Variants in TBL1XR1 observed in about 807,000 individuals in gnomAD.
TBL1XR1 encodes F-box-like/WD repeat-containing protein TBL1XR1.
A neutral mutation model predicts 66.9 loss-of-function variants in TBL1XR1; 5 were observed. That is an observed-to-expected ratio of 0.07 (90% confidence interval 0.04 to 0.16). The LOEUF (loss-of-function observed/expected upper bound fraction) is 0.16. Among genes scored for constraint, TBL1XR1 ranks in the 10% least tolerant of loss-of-function variants. The pLI, the probability that TBL1XR1 is intolerant of heterozygous loss-of-function variation, is 1.00. For synonymous variants in TBL1XR1, 210 were observed against 206.0 expected (o/e 1.02, Z -0.17); for missense variants, 238 against 623.2 (o/e 0.38, Z 6.58).
chr3:177,106,890 G>A (rs1281190848), intron 1 of TBL1XR1, among the ~76,000 whole-genome samples: 1 of 149,962 alleles, frequency 6.7e-6, no homozygotes, highest in Non-Finnish European at 1.5e-5. Flanking sequence ...ATGTCTTTTA[G>A]TGAATTAACA....
chr3:177,033,423 A>T (rs951011317), intron 13 of TBL1XR1, among the ~76,000 whole-genome samples: 24 of 152,310 alleles, frequency 1.6e-4, no homozygotes, highest in Admixed American at 8.5e-4. Context: ...AGAAAACGTA[A>T]ATGTGCTCAT....
At chr3:177,196,920 G>T (rs964642081) in intron 1 of TBL1XR1, among the ~76,000 whole-genome samples, 21 of 151,830 alleles carry the variant, frequency 1.4e-4, no homozygotes, top group Non-Finnish European at 2.8e-4. Context: ...GAGGAAAACG[G>T]GGGGATGGGG....
At chr3:177,075,307 TTGTC>T (rs887623948) in intron 2 of TBL1XR1, among the ~76,000 whole-genome samples, 4 of 152,252 alleles carry the variant, frequency 2.6e-5, no homozygotes, top group Non-Finnish European at 5.9e-5. Context: ...TCTTTGTGTG[TTGTC>T]TGTGTCCAAA....
chr3:177,083,579 CTA>C (rs1721717060), intron 2 of TBL1XR1, among the ~76,000 whole-genome samples: 1 of 152,122 alleles, frequency 6.6e-6, no homozygotes, highest in South Asian at 2.1e-4. Context: ...TCACTGGTCT[CTA>C]TTTTATCTTA....
chr3:177,037,013 C>G (rs879296884), intron 12 of TBL1XR1, among the ~76,000 whole-genome samples: 6 of 152,160 alleles, frequency 3.9e-5, no homozygotes, highest in Admixed American at 3.9e-4. Flanking sequence ...TGCTTAGGTG[C>G]GAGACAGCAG....
At chr3:177,198,292 A>AC (rs1202535707), upstream of TBL1XR1, among the ~76,000 whole-genome samples, 1 of 152,194 alleles carries the variant, frequency 6.6e-6, no homozygotes, top group Non-Finnish European at 1.5e-5. Flanking sequence ...ATGTACTGTG[A>AC]ATCAAGCATA....
intron 1 of TBL1XR1, among the ~76,000 whole-genome samples, chr3:177,177,890 T>A (rs1734345952): frequency 6.6e-6 from 1 of 151,106 alleles, no homozygotes; most frequent in South Asian, 2.1e-4. Context: ...AAAAAAACAA[T>A]GATCAAAGTT....
chr3:177,131,838 G>A (rs1271588129), intron 1 of TBL1XR1, among the ~76,000 whole-genome samples: 3 of 149,432 alleles, frequency 2.0e-5, no homozygotes, highest in East Asian at 2.0e-4. Flanking sequence ...ACACATTAAC[G>A]AATTCATCAC....
intron 1 of TBL1XR1, among the ~76,000 whole-genome samples, chr3:177,123,425 T>C (rs1727225491): frequency 6.6e-6 from 1 of 152,046 alleles, no homozygotes; most frequent in Non-Finnish European, 1.5e-5. Context: ...ATTCAGACTA[T>C]GCTCAAATCT....
chr3:177,061,325 G>A (rs1718489814), intron 3 of TBL1XR1, among the ~76,000 whole-genome samples: 2 of 152,136 alleles, frequency 1.3e-5, no homozygotes, highest in Non-Finnish European at 2.9e-5. Flanking sequence ...ATTGACAACA[G>A]TAAAAAATAT....
At chr3:177,060,913 T>C (rs1486624931) in intron 3 of TBL1XR1, among the ~76,000 whole-genome samples, 1 of 152,248 alleles carries the variant, frequency 6.6e-6, no homozygotes, top group Non-Finnish European at 1.5e-5. Context: ...TACAGTATTA[T>C]ATATTAAATA....
At chr3:177,152,624 C>T (rs909596051) in intron 1 of TBL1XR1, among the ~76,000 whole-genome samples, 2 of 152,152 alleles carry the variant, frequency 1.3e-5, no homozygotes, top group African/African-American at 2.4e-5. Context: ...TTGCAGAAAG[C>T]TGTCATCTGT....
chr3:177,091,360 G>C (rs1186629071), intron 2 of TBL1XR1, among the ~76,000 whole-genome samples: 2 of 150,518 alleles, frequency 1.3e-5, no homozygotes, highest in Non-Finnish European at 2.9e-5. Flanking sequence ...CTCTACTTTT[G>C]TTTAATACAT....
At chr3:177,147,718 T>C (rs1730423603) in intron 1 of TBL1XR1, among the ~76,000 whole-genome samples, 1 of 152,174 alleles carries the variant, frequency 6.6e-6, no homozygotes, top group African/African-American at 2.4e-5. Flanking sequence ...GGCTTCAGCT[T>C]AGACATGACA....
At chr3:177,138,959 C>T (rs1002338533) in intron 1 of TBL1XR1, among the ~76,000 whole-genome samples, 2 of 152,106 alleles carry the variant, frequency 1.3e-5, no homozygotes, top group Admixed American at 6.5e-5. Context: ...AACTACTATT[C>T]AAGAGAGAAG....
At chr3:177,149,839 A>G (rs927137844) in intron 1 of TBL1XR1, among the ~76,000 whole-genome samples, 2 of 152,208 alleles carry the variant, frequency 1.3e-5, no homozygotes, top group Non-Finnish European at 2.9e-5. Context: ...CTGCTTCCTA[A>G]CAGCAGACTT....
Position 177,185,428 on chromosome 3 carries a change from G to A in TBL1XR1, c.-122+11693C>T, listed in dbSNP as rs538337248. ...TTTCAAGACCAGCCTGGCCAACATG[G>A]CGAAACCCCATTTCTACTTAAGTAC... On this transcript the variant is annotated intron_variant, in intron 1 of 15. Transcript: ENST00000457928. Among the ~76,000 whole-genome samples, 159 of 152,132 alleles carry A rather than the reference G, an allele frequency of 1.0e-3. 1 individual carries two copies. The highest frequency in any genetic ancestry group is 3.6e-3 in the African/African-American group (149 of 41,520).
chr3:177,194,034 T>A (rs1271096249), intron 1 of TBL1XR1: 1 of 152,226 alleles, frequency 6.6e-6, no homozygotes, highest in East Asian at 1.9e-4. Context: ...TCTGGCTCTA[T>A]GGTTACAGGG....
chr3:177,104,460 T>G (rs569155982), intron 1 of TBL1XR1, among the ~76,000 whole-genome samples: 3 of 152,154 alleles, frequency 2.0e-5, no homozygotes, highest in Non-Finnish European at 4.4e-5. Flanking sequence ...CGATCCTCAT[T>G]TCCCATGGAA....
Sources: gnomAD v4.1 joint callset for allele counts (sites outside exome capture counted in the v4.1 genomes callset) on GRCh38, gnomAD v4.1.1 for gene constraint, MANE v1.5 for transcripts, NCBI Gene and HGNC (gene_info 2026-07-23, HGNC 2026-07-21) for gene names.